Variants in CLEC19A observed in about 807,000 individuals in gnomAD.
The protein encoded by CLEC19A is C-type lectin domain family 19 member A.
Under a neutral mutation model 26.1 loss-of-function variants are expected in CLEC19A, and 21 were observed. The ratio of observed to expected loss-of-function variants is 0.80; its 90% CI spans 0.57 to 1.16. The LOEUF is 1.16. Ranked by LOEUF, CLEC19A falls within the 50% of genes most tolerant of loss-of-function variation. The probability of loss-of-function intolerance (pLI) is 0.00; values close to 1 mark genes in which losing one functional copy is unlikely to be tolerated. For synonymous variants in CLEC19A, 89 were observed against 88.6 expected (o/e 1.00, Z -0.03); for missense variants, 224 against 227.6 (o/e 0.98, Z 0.10).
chr16:19,286,053 G>A, intron 1 of CLEC19A, 114 bp downstream of exon 1: 3 of 956,926 alleles, frequency 3.1e-6, no homozygotes, highest in Non-Finnish European at 4.8e-6. Flanking sequence ...CCTGACCCGA[G>A]TCTCCTGACA....
Position 19,291,560 on chromosome 16 carries a change from T to C in CLEC19A, c.88+5621T>C, listed in dbSNP as rs116964401. 9.2e-5 allele frequency among the ~76,000 whole-genome samples: 14 copies of C among 152,302 alleles called. No individual in the cohort carries two copies. The East Asian group carries it at 2.7e-3, about 29-fold the overall frequency. On this transcript the variant is annotated intron_variant, in intron 1 of 4. Coordinates refer to ENST00000636231, the MANE Select transcript of CLEC19A (RefSeq NM_001256720.2). ...ATTTAACACAATGCCTGGCACACAG[T>C]GAATGCTGAGTCAGAGTTGGCGCTG...
At chr16:19,288,965 G>C (rs1173970380) in intron 1 of CLEC19A, among the ~76,000 whole-genome samples, 1 of 152,166 alleles carries the variant, frequency 6.6e-6, no homozygotes, top group East Asian at 1.9e-4. Flanking sequence ...GACCCAGACT[G>C]TTTCTACTGT....
At chr16:19,305,018 A>G (rs1029656281) in intron 3 of CLEC19A, 2 of 152,390 alleles carry the variant, frequency 1.3e-5, no homozygotes, top group African/African-American at 2.4e-5. Context: ...GTCACTGGCT[A>G]GGAACAGCCT....
At chr16:19,301,748 TTTTTTTTTTTTTTTTTG>T (rs1897834954) in intron 2 of CLEC19A, among the ~76,000 whole-genome samples, 1 of 121,616 alleles carries the variant, frequency 8.2e-6, no homozygotes. Context: ...TTTTTTTTTT[TTTTTTTTTTTTTTTTTG>T]TATTTTTAGC....
intron 3 of CLEC19A, among the ~76,000 whole-genome samples, chr16:19,306,821 G>A (rs1897966277): frequency 6.6e-6 from 1 of 152,076 alleles, no homozygotes; most frequent in Non-Finnish European, 1.5e-5. Context: ...GGTGAACATG[G>A]GACCTCAAGC....
Position 19,307,673 on chromosome 16 carries a change from C to T in CLEC19A, c.477C>T (p.Thr159=). The change falls in exon 4 of 5, where the codon ACC becomes ACT. Residue 159 remains threonine, a synonymous_variant. Coordinates refer to ENST00000636231, the MANE Select transcript of CLEC19A (RefSeq NM_001256720.2). ...EDCVQIWYRP[T]SALRSWNDNT... ...GCGTGCAGATATGGTACAGGCCTACCAGTGGTGGGTACCCCTGAGACCAAG... is the reference window on the plus strand; with the variant it reads ...GCGTGCAGATATGGTACAGGCCTACTAGTGGTGGGTACCCCTGAGACCAAG... 2 of 1,548,146 alleles carry T rather than the reference C, an allele frequency of 1.3e-6. No homozygotes were observed. The highest frequency in any genetic ancestry group is 1.7e-6 in the Non-Finnish European group (2 of 1,146,750).
At chr16:19,298,201 C>T (rs1055609280) in intron 1 of CLEC19A, among the ~76,000 whole-genome samples, 1 of 146,334 alleles carries the variant, frequency 6.8e-6, no homozygotes, top group African/African-American at 2.5e-5. Flanking sequence ...GAGATGGCAC[C>T]ATGGCACTCC....
chr16:19,307,894 T>A (rs1403030298), intron 4 of CLEC19A, among the ~76,000 whole-genome samples: 3 of 152,196 alleles, frequency 2.0e-5, no homozygotes, highest in Non-Finnish European at 4.4e-5. Flanking sequence ...GGGGTTTGGT[T>A]GACACATAAA....
chr16:19,298,885 G>A (rs1315701677), intron 2 of CLEC19A, 47 bp downstream of exon 2: 1 of 1,485,848 alleles, frequency 6.7e-7, no homozygotes, highest in Admixed American at 2.3e-5. Flanking sequence ...GCACCCCCTT[G>A]GGAAATGGGG....
intron 1 of CLEC19A, 87 bp downstream of exon 1, chr16:19,286,026 TTGGG>T: frequency 7.6e-7 from 1 of 1,318,608 alleles, no homozygotes. Flanking sequence ...GCAGCTTCTG[TTGGG>T]GGGTTGGGGT....
Position 19,293,234 on chromosome 16 carries a change from G to A in CLEC19A, c.89-5439G>A, listed in dbSNP as rs118132978. Among the ~76,000 whole-genome samples the A allele has an allele frequency of 2.0e-5, 3 of 152,232 alleles. No individual in the cohort carries two copies. The East Asian group carries it at 5.8e-4, about 29-fold the overall frequency. ...CTGATCCCAGCCAATACTAGAGAGA[G>A]TAGTTTATGTCAAATAAAACATGCA... On this transcript the variant is annotated intron_variant, in intron 1 of 4. Coordinates refer to ENST00000636231, the MANE Select transcript of CLEC19A (RefSeq NM_001256720.2).
intron 2 of CLEC19A, among the ~76,000 whole-genome samples, chr16:19,301,843 G>A (rs949938341): frequency 5.0e-4 from 71 of 142,418 alleles, no homozygotes; most frequent in African/African-American, 1.7e-3. Flanking sequence ...TGCCTCCCTC[G>A]GCCTCCTAAA....
chr16:19,301,748 T>G lies in CLEC19A; in HGVS notation c.255-2314T>G, dbSNP rs1467460579. On this transcript the variant is annotated intron_variant, in intron 2 of 4. Transcript: ENST00000636231. ...CCAGGTTTTTTTGGTTTTTTTTTTTTTTTTTTTTTTTTTTTTGTATTTTTA... is the reference window on the plus strand; with the variant it reads ...CCAGGTTTTTTTGGTTTTTTTTTTTGTTTTTTTTTTTTTTTTGTATTTTTA... 5.3e-4 allele frequency among the ~76,000 whole-genome samples: 65 copies of G among 121,622 alleles called. 1 individual carries two copies. Among genetic ancestry groups the G allele is most frequent in the African/African-American group, 2.2e-3 (62 of 27,850 alleles). The allele number at this position is 121,622 out of a possible 152,430, so 79.8% of individuals were successfully genotyped here. A position where few individuals can be genotyped will look rare whatever the true frequency, so the allele number is the denominator to read the frequency against.
intron 3 of CLEC19A, among the ~76,000 whole-genome samples, chr16:19,305,586 G>T (rs1481205103): frequency 6.6e-6 from 1 of 152,142 alleles, no homozygotes; most frequent in Non-Finnish European, 1.5e-5. Context: ...CTCCTTTTCT[G>T]CCACTTACTG....
At chr16:19,302,466 A>G (rs1363990653) in intron 2 of CLEC19A, among the ~76,000 whole-genome samples, 1 of 152,226 alleles carries the variant, frequency 6.6e-6, no homozygotes, top group Non-Finnish European at 1.5e-5. Flanking sequence ...TGAATTATTG[A>G]AGCTGATGGG....
At position 19,285,812 on chromosome 16, in the gene CLEC19A, C is replaced by A. The variant is rs754622477; in HGVS notation, c.-40C>A. ...CAAGCTCCAGCCAAAAAGCCTCTCT[C>A]CTCCACTCAGGCTGGGAGGTTGCTT... On this transcript the variant is annotated 5_prime_UTR_variant, in exon 1 of 5. Coordinates refer to ENST00000636231, the MANE Select transcript of CLEC19A (RefSeq NM_001256720.2). The A allele has an allele frequency of 6.5e-7, 1 of 1,533,730 alleles. No individual in the cohort carries two copies. The highest frequency in any genetic ancestry group is 1.2e-5 in the South Asian group (1 of 83,702).
intron 4 of CLEC19A, among the ~76,000 whole-genome samples, 157 bp downstream of exon 4, chr16:19,307,834 CG>C (rs1056303218): frequency 6.6e-6 from 1 of 152,070 alleles, no homozygotes; most frequent in Admixed American, 6.5e-5. Flanking sequence ...ACTAGGGTGT[CG>C]GGGGCATGGC....
chr16:19,289,883 G>A (rs888891627), intron 1 of CLEC19A, among the ~76,000 whole-genome samples: 4 of 152,196 alleles, frequency 2.6e-5, no homozygotes, highest in South Asian at 2.1e-4. Flanking sequence ...TCCTCAGAAC[G>A]CAGCAGCCAC....
At chr16:19,286,417 G>A (rs1042679774) in intron 1 of CLEC19A, among the ~76,000 whole-genome samples, 1 of 152,214 alleles carries the variant, frequency 6.6e-6, no homozygotes, top group Non-Finnish European at 1.5e-5. Context: ...CCAGAGGTTA[G>A]GTGCGCAGGG....
Sources: allele counts gnomAD v4.1 joint callset (sites outside exome capture counted in the v4.1 genomes callset), GRCh38; gene constraint gnomAD v4.1.1; transcripts MANE v1.5; gene names NCBI Gene and HGNC (gene_info 2026-07-23, HGNC 2026-07-21).